The following PPFIA2 variants were observed in gnomAD, a reference collection of about 807,000 sequenced individuals.
The protein encoded by PPFIA2 is PPFI scaffold protein A2.
In PPFIA2, 46 loss-of-function variants were observed where a neutral mutation model predicts 175.5. The ratio of observed to expected loss-of-function variants is 0.26; its 90% CI spans 0.21 to 0.34. PPFIA2 has a LOEUF of 0.34. Ranked by LOEUF, PPFIA2 falls within the 10% of genes least tolerant of loss-of-function variation. The pLI, the probability that PPFIA2 is intolerant of heterozygous loss-of-function variation, is 1.00. For missense variants in PPFIA2, 1,179 were observed against 1,506.1 expected (o/e 0.78, Z 3.60); for synonymous variants, 568 against 511.4 (o/e 1.11, Z -1.49).
chr12:81,350,325 C>G (rs2059795575), intron 17 of PPFIA2: 1 of 152,150 alleles, frequency 6.6e-6, no homozygotes, highest in Non-Finnish European at 1.5e-5. Flanking sequence ...CTCTAAATAT[C>G]AAGCGAAGTG....
intron 4 of PPFIA2, among the ~76,000 whole-genome samples, chr12:81,529,914 A>C (rs1327097342): frequency 6.6e-6 from 1 of 151,994 alleles, no homozygotes; most frequent in Non-Finnish European, 1.5e-5. Context: ...TACAAAAAAA[A>C]CCATGGCACA....
At chr12:81,523,714 C>A (rs11114907) in intron 4 of PPFIA2, among the ~76,000 whole-genome samples, 2 of 152,046 alleles carry the variant, frequency 1.3e-5, no homozygotes, top group Non-Finnish European at 2.9e-5. Flanking sequence ...ATGTGAGGAA[C>A]GCTTAGAACA....
intron 4 of PPFIA2, among the ~76,000 whole-genome samples, chr12:81,520,049 G>C (rs556235577): frequency 4.6e-5 from 7 of 152,152 alleles, no homozygotes; most frequent in Non-Finnish European, 8.8e-5. Context: ...ACTTCTCCTT[G>C]TGATGATGTG....
In PPFIA2 at chr12:81,284,240, CCG is replaced by C; in HGVS notation, c.2987_2988del (p.Thr996LysfsTer4). On this transcript the variant is annotated frameshift_variant and splice_region_variant, in exon 25 of 33. Transcript: ENST00000549396. LOFTEE classifies it high-confidence loss of function. Reference sequence around the variant, plus strand: ...GGTTCAACAAAGCCATTAAGACTAACCGTTTTTGCTGGAGCTGCAAGATTTTC... The same window carrying C: ...GGTTCAACAAAGCCATTAAGACTAACTTTTTGCTGGAGCTGCAAGATTTTC... Reference protein sequence around the residue: ...EMENLAAPAKTKESEEGSWAQ... With the variant: ...EMENLAAPAKXKESEEGSWAQ... 6.3e-7 allele frequency: 1 copy of C among 1,579,958 alleles called. No individual in the cohort carries two copies. Among genetic ancestry groups the C allele is most frequent in the Non-Finnish European group, 8.7e-7 (1 of 1,152,670 alleles).
intron 4 of PPFIA2, among the ~76,000 whole-genome samples, chr12:81,614,150 A>G (rs1172347102): frequency 6.6e-6 from 1 of 152,138 alleles, no homozygotes; most frequent in Non-Finnish European, 1.5e-5. Context: ...TTGCATTCCT[A>G]CATACATCCA....
At chr12:81,705,118 ATCT>A (rs2076959825) in intron 3 of PPFIA2, among the ~76,000 whole-genome samples, 3 of 132,270 alleles carry the variant, frequency 2.3e-5, no homozygotes, top group African/African-American at 8.0e-5. Context: ...AAAAGAACCC[ATCT>A]TCTGTCCAGC....
chr12:81,406,564 T>TA (rs1221107730), intron 7 of PPFIA2, among the ~76,000 whole-genome samples: 2 of 152,112 alleles, frequency 1.3e-5, no homozygotes. Flanking sequence ...TTATTTCAAT[T>TA]AAAAAACAAA....
chr12:81,673,142 T>C (rs2071757246), intron 4 of PPFIA2, among the ~76,000 whole-genome samples: 4 of 151,986 alleles, frequency 2.6e-5, no homozygotes, highest in Admixed American at 2.6e-4. Context: ...GCAGGGGTTG[T>C]CTTAAAAATT....
intron 3 of PPFIA2, among the ~76,000 whole-genome samples, chr12:81,700,908 T>C (rs1472141451): frequency 6.6e-6 from 1 of 152,126 alleles, no homozygotes; most frequent in Non-Finnish European, 1.5e-5. Context: ...ATTTCTTTTA[T>C]TTATATACTA....
At chr12:81,350,722 TAA>T (rs2059864870) in intron 17 of PPFIA2, among the ~76,000 whole-genome samples, 2 of 152,138 alleles carry the variant, frequency 1.3e-5, no homozygotes, top group Admixed American at 1.3e-4. Context: ...TTTGTGTGTT[TAA>T]AAGTCTTCTC....
At chr12:81,354,070 A>G (rs1484179202) in intron 16 of PPFIA2, among the ~76,000 whole-genome samples, 2 of 152,214 alleles carry the variant, frequency 1.3e-5, no homozygotes, top group Non-Finnish European at 2.9e-5. Context: ...CTGAGCCTTC[A>G]GTGAGTTTTA....
intron 1 of PPFIA2, 78 bp from the exon 2 acceptor site, chr12:81,758,585 CG>C: frequency 2.8e-6 from 1 of 357,960 alleles, no homozygotes; most frequent in Non-Finnish European, 5.7e-6. Context: ...GGCCCGGTGG[CG>C]TGGCAGGAGC....
intron 4 of PPFIA2, among the ~76,000 whole-genome samples, chr12:81,524,285 GC>G (rs2063494355): frequency 6.6e-6 from 1 of 152,118 alleles, no homozygotes; most frequent in Non-Finnish European, 1.5e-5. Context: ...GCCGCACCCA[GC>G]AAAACCAAGC....
At chr12:81,560,438 T>C (rs994775865) in intron 4 of PPFIA2, among the ~76,000 whole-genome samples, 1 of 152,140 alleles carries the variant, frequency 6.6e-6, no homozygotes, top group East Asian at 1.9e-4. Context: ...ATTGTTTTTA[T>C]AGAAATACTA....
chr12:81,697,857 A>T (rs2076065934), intron 3 of PPFIA2, among the ~76,000 whole-genome samples: 1 of 152,154 alleles, frequency 6.6e-6, no homozygotes, highest in Admixed American at 6.6e-5. Flanking sequence ...TTTCAATTCA[A>T]GTCAGGCTAG....
intron 4 of PPFIA2, among the ~76,000 whole-genome samples, chr12:81,480,837 G>C (rs2058125408): frequency 6.6e-6 from 1 of 152,276 alleles, no homozygotes; most frequent in Admixed American, 6.5e-5. Context: ...GCTGTATGAG[G>C]TGTGTCCTCT....
chr12:81,754,311 G>T lies in PPFIA2; in HGVS notation c.-2-88C>A. 3 of 1,464,724 alleles carry T rather than the reference G, an allele frequency of 2.0e-6. No homozygotes were observed. The South Asian group carries it at 3.9e-5, about 19-fold the overall frequency. 90.7% of individuals were successfully genotyped at this position (1,464,724 alleles called of 1,614,324 possible). On this transcript the variant is annotated intron_variant, in intron 2 of 32. Coordinates refer to ENST00000549396, the MANE Select transcript of PPFIA2 (RefSeq NM_003625.5). ...AGAGCAATTCACTAAATATTTTTCAGCTTATTAGCCTATTTGTCTCTATTT... is the reference window on the plus strand; with the variant it reads ...AGAGCAATTCACTAAATATTTTTCATCTTATTAGCCTATTTGTCTCTATTT...
At chr12:81,498,376 T>C (rs2060247659) in intron 4 of PPFIA2, among the ~76,000 whole-genome samples, 3 of 152,190 alleles carry the variant, frequency 2.0e-5, no homozygotes, top group Admixed American at 2.0e-4. Context: ...CTTAGTCTCA[T>C]CTAATTTGTG....
chr12:81,317,470 T>C (rs1338467823), intron 22 of PPFIA2, among the ~76,000 whole-genome samples: 1 of 150,642 alleles, frequency 6.6e-6, no homozygotes, highest in African/African-American at 2.4e-5. Context: ...TGTAGTATGA[T>C]GGCTTGAGCT....
Sources: allele counts gnomAD v4.1 joint callset (sites outside exome capture counted in the v4.1 genomes callset), GRCh38; gene constraint gnomAD v4.1.1; transcripts MANE v1.5; gene names NCBI Gene and HGNC (gene_info 2026-07-23, HGNC 2026-07-21).